ZNF723: variants seen among roughly 807,000 people sequenced by gnomAD.
ZNF723 encodes the protein zinc finger protein 723, pseudogene.
Under a neutral mutation model 9.4 loss-of-function variants are expected in ZNF723, and 5 were observed. That is an observed-to-expected ratio of 0.53 (90% confidence interval 0.28 to 1.12). ZNF723 has a LOEUF of 1.12. Ranked by LOEUF, ZNF723 falls within the 50% of genes most tolerant of loss-of-function variation. ZNF723 has a pLI of 0.10. For synonymous variants in ZNF723, 158 were observed against 168.8 expected, an observed-to-expected ratio of 0.94 and a Z score of 0.49; for missense variants, 450 against 501.5, an observed-to-expected ratio of 0.90 and a Z score of 0.98.
chr19:22,836,187 C>T (rs1389964780), intron 1 of ZNF723, among the ~76,000 whole-genome samples: 10 of 152,106 alleles, frequency 6.6e-5, no homozygotes, highest in Non-Finnish European at 1.3e-4. Context: ...GATTTCCCAG[C>T]CTGCTCACCC....
At chr19:22,824,758 A>G in the ZNF723 span, among the ~76,000 whole-genome samples, 2 of 152,170 alleles carry the variant, frequency 1.3e-5, no homozygotes, top group Non-Finnish European at 2.9e-5. Flanking sequence ...TCACATGTAA[A>G]TGCTGTTCAC....
At chr19:22,847,336 G>C (rs1967327651) in intron 1 of ZNF723, among the ~76,000 whole-genome samples, 1 of 151,346 alleles carries the variant, frequency 6.6e-6, no homozygotes, top group South Asian at 2.1e-4. Flanking sequence ...CTCTTTCTTA[G>C]AGTTTCTTTG....
intron 3 of ZNF723, among the ~76,000 whole-genome samples, chr19:22,850,668 T>C (rs1276399620): frequency 6.6e-6 from 1 of 152,144 alleles, no homozygotes; most frequent in Non-Finnish European, 1.5e-5. Flanking sequence ...CCAGCTACAT[T>C]TCTTTTTATT....
the ZNF723 span, among the ~76,000 whole-genome samples, chr19:22,814,314 A>ATT: frequency 6.6e-6 from 1 of 152,108 alleles, no homozygotes; most frequent in Non-Finnish European, 1.5e-5. Flanking sequence ...GAGTGACGTA[A>ATT]TAGGGCCAAG....
intron 1 of ZNF723, among the ~76,000 whole-genome samples, chr19:22,845,510 T>C (rs1191414877): frequency 2.6e-5 from 4 of 152,142 alleles, no homozygotes; most frequent in Non-Finnish European, 5.9e-5. Flanking sequence ...GTTTCACCTG[T>C]TTACTACAGG....
intron 1 of ZNF723, among the ~76,000 whole-genome samples, chr19:22,841,352 C>T (rs1159803827): frequency 6.6e-6 from 1 of 152,116 alleles, no homozygotes; most frequent in Non-Finnish European, 1.5e-5. Context: ...TAAATTTTTC[C>T]ACTTGTGGAC....
chr19:22,840,259 C>T (rs1967224531), intron 1 of ZNF723, among the ~76,000 whole-genome samples: 1 of 151,890 alleles, frequency 6.6e-6, no homozygotes, highest in African/African-American at 2.4e-5. Flanking sequence ...GCAATCTCCG[C>T]CTCCTGGGTT....
chr19:22,818,454 C>T, the ZNF723 span, among the ~76,000 whole-genome samples: 4 of 152,122 alleles, frequency 2.6e-5, no homozygotes, highest in Non-Finnish European at 5.9e-5. Context: ...GATAGACACA[C>T]CTTAGAGGCT....
chr19:22,813,383 C>T, the ZNF723 span, among the ~76,000 whole-genome samples: 2 of 152,132 alleles, frequency 1.3e-5, no homozygotes, highest in Non-Finnish European at 2.9e-5. Context: ...AGTTGTGACT[C>T]CATACTCCTG....
At chr19:22,844,903 G>T (rs1326051743) in intron 1 of ZNF723, among the ~76,000 whole-genome samples, 1 of 152,166 alleles carries the variant, frequency 6.6e-6, no homozygotes, top group Non-Finnish European at 1.5e-5. Context: ...GGATCATGAG[G>T]TCAGGAGATC....
the ZNF723 span, among the ~76,000 whole-genome samples, chr19:22,818,256 G>C: frequency 6.6e-6 from 1 of 152,202 alleles, no homozygotes; most frequent in Non-Finnish European, 1.5e-5. Context: ...GCTCTAACAA[G>C]GCCCAGCACG....
In ZNF723 at chr19:22,858,204, C is replaced by T; in HGVS notation, c.1313C>T (p.Ser438Leu). The change falls in exon 4 of 4, where the codon TCA (serine) becomes TTA (leucine). Residue 438 changes from serine to leucine, a missense_variant. Around this residue, in one of 5 missense-constraint regions of ZNF723, gnomAD observed 237 missense variants for 332.2 expected, o/e 0.71. Coordinates refer to ENST00000600766, the MANE Select transcript of ZNF723 (RefSeq NM_001349726.2). ...TGTGGTAAAGGTTTTAGCCAATCCT[C>T]AACCCTTACTAAACATAAGATAATT... ...KQCGKGFSQSSTLTKHKIIHT... is the reference protein window; with the variant it reads ...KQCGKGFSQSLTLTKHKIIHT... 7.3e-7 allele frequency: 1 copy of T among 1,375,556 alleles called. No homozygotes were observed. The highest frequency in any genetic ancestry group is 1.0e-6 in the Non-Finnish European group (1 of 965,940). 85.2% of individuals were successfully genotyped at this position (1,375,556 alleles called of 1,614,324 possible).
the ZNF723 span, among the ~76,000 whole-genome samples, chr19:22,817,043 C>G: frequency 1.2e-4 from 19 of 152,364 alleles, no homozygotes; most frequent in African/African-American, 4.6e-4. Flanking sequence ...TGCCCAGTAC[C>G]TAGGTAATTT....
intron 3 of ZNF723, among the ~76,000 whole-genome samples, chr19:22,851,994 G>C (rs1288402129): frequency 6.6e-6 from 1 of 152,056 alleles, no homozygotes; most frequent in Non-Finnish European, 1.5e-5. Context: ...TCTGCATGTT[G>C]GTCAGACTGG....
At chr19:22,833,584 C>G (rs1967125631) in intron 1 of ZNF723, among the ~76,000 whole-genome samples, 1 of 152,038 alleles carries the variant, frequency 6.6e-6, no homozygotes, top group South Asian at 2.1e-4. Flanking sequence ...CAAACGCTAA[C>G]TTTTCCTCCG....
chr19:22,848,128 G>C (rs1166807151), intron 1 of ZNF723, 133 bp from the exon 2 acceptor site: 1 of 413,426 alleles, frequency 2.4e-6, no homozygotes. Flanking sequence ...AAAATTATTG[G>C]AGGATTTCAG....
At position 22,858,367 on chromosome 19, in the gene ZNF723, G is replaced by A. The variant is rs1967515076; in HGVS notation, c.1476G>A (p.Lys492=). ...KCEECGKAFN[K]SSILNRHKII... ...AAGAATGTGGCAAAGCCTTTAACAA[G>A]TCCTCAATTCTTAACAGACATAAGA... is the stretch of plus-strand genomic sequence containing the variant. Residue 492 remains lysine, a synonymous_variant, in exon 4 of 4, where the codon AAG becomes AAA. Coordinates refer to ENST00000600766, the MANE Select transcript of ZNF723 (RefSeq NM_001349726.2). 1 of 918,312 alleles carries A rather than the reference G, an allele frequency of 1.1e-6. No individual in the cohort carries two copies. Among genetic ancestry groups the A allele is most frequent in the South Asian group, 1.4e-5 (1 of 70,206 alleles). 56.9% of individuals were successfully genotyped at this position (918,312 alleles called of 1,614,324 possible).
At chr19:22,832,239 A>C (rs2096086302), upstream of ZNF723, 1 of 948,384 alleles carries the variant, frequency 1.1e-6, no homozygotes. Context: ...AGAGCCGTCC[A>C]ATCAGACCCG....
chr19:22,824,605 T>G, the ZNF723 span, among the ~76,000 whole-genome samples: 1 of 152,336 alleles, frequency 6.6e-6, no homozygotes, highest in East Asian at 1.9e-4. Context: ...ATGCAAATTG[T>G]ATAAAGCTTT....
Sources: gnomAD v4.1 joint callset for allele counts (sites outside exome capture counted in the v4.1 genomes callset) on GRCh38, gnomAD v4.1.1 for gene constraint, gnomAD v4.1.1 regional missense constraint, MANE v1.5 for transcripts, NCBI Gene and HGNC (gene_info 2026-07-23, HGNC 2026-07-21) for gene names.